OPN4: variants seen among roughly 807,000 people sequenced by gnomAD.
The protein encoded by OPN4 is opsin 4.
Under a neutral mutation model 49.5 loss-of-function variants are expected in OPN4, and 43 were observed. The observed-to-expected ratio is 0.87, with a 90% confidence interval of 0.68 to 1.12. The LOEUF (loss-of-function observed/expected upper bound fraction) is 1.12. OPN4 is among the 50% of genes most tolerant of loss of function. OPN4 has a pLI of 0.00. For missense variants in OPN4, 657 were observed against 643.9 expected, an observed-to-expected ratio of 1.02 and a Z score of -0.22; for synonymous variants, 263 against 258.0, an observed-to-expected ratio of 1.02 and a Z score of -0.19.
rs2675697 is a variant in OPN4, at chr10:86,663,851, G to T, written c.1398+49G>T. The T allele has an allele frequency of 7.2e-3, 11,137 of 1,541,544 alleles. 90 individuals are homozygous for T. The highest frequency in any genetic ancestry group is 0.03 in the South Asian group (2,482 of 82,704). Reference sequence around the variant, plus strand: ...ATCCACAAAGGGGTGGGGGTTAGGGGCCAGTAGCCCAGGGAGAGGCCAGGA... The same window carrying T: ...ATCCACAAAGGGGTGGGGGTTAGGGTCCAGTAGCCCAGGGAGAGGCCAGGA... On this transcript the variant is annotated intron_variant, in intron 9 of 9. Coordinates refer to ENST00000241891, the MANE Select transcript of OPN4 (RefSeq NM_033282.4).
At chr10:86,664,302 T>C (rs956528752) in intron 9 of OPN4, among the ~76,000 whole-genome samples, 5 of 152,210 alleles carry the variant, frequency 3.3e-5, no homozygotes, top group Non-Finnish European at 7.4e-5. Context: ...TGTACCTCTC[T>C]GTGTGACTGC....
At chr10:86,658,795 G>C in intron 4 of OPN4, 108 bp downstream of exon 4, 1 of 1,127,500 alleles carries the variant, frequency 8.9e-7, no homozygotes, top group South Asian at 1.4e-5. Context: ...AGGGTGCCCA[G>C]GAGCTACCTG....
chr10:86,661,447 G>T (rs2132306286), intron 7 of OPN4, 59 bp downstream of exon 7: 1 of 1,268,128 alleles, frequency 7.9e-7, no homozygotes, highest in Non-Finnish European at 1.1e-6. Flanking sequence ...CTGCCGATGG[G>T]GGCAGAGGCC....
chr10:86,657,376 C>T (rs1843895405), intron 2 of OPN4: 2 of 642,878 alleles, frequency 3.1e-6, no homozygotes, highest in South Asian at 3.6e-5. Context: ...TGGATGATGA[C>T]AGGAGCCGAG....
intron 2 of OPN4, 139 bp downstream of exon 2, chr10:86,656,439 T>G (rs891649315): frequency 3.6e-6 from 4 of 1,113,862 alleles, no homozygotes; most frequent in Non-Finnish European, 5.1e-6. Context: ...GGGCCATGCC[T>G]TCGATGATCT....
chr10:86,660,640 G>A (rs566424296), intron 6 of OPN4, among the ~76,000 whole-genome samples: 2 of 152,188 alleles, frequency 1.3e-5, no homozygotes, highest in Non-Finnish European at 2.9e-5. Context: ...CATCACGGTT[G>A]GGGTGGGGTG....
intron 6 of OPN4, 39 bp from the exon 7 acceptor site, chr10:86,661,241 AG>A (rs1298386863): frequency 6.6e-7 from 1 of 1,521,898 alleles, no homozygotes; most frequent in Non-Finnish European, 9.1e-7. Flanking sequence ...GTGTGTCAGG[AG>A]GGCCAGCTAG....
chr10:86,660,159 A>T (rs1007651145), intron 6 of OPN4, 100 bp downstream of exon 6: 7 of 1,321,270 alleles, frequency 5.3e-6, no homozygotes, highest in Non-Finnish European at 7.5e-6. Flanking sequence ...CCGGCCAGCC[A>T]TCCTCGCACC....
chr10:86,658,545 G>A lies in OPN4; in HGVS notation c.486G>A (p.Thr162=), dbSNP rs778005928. The A allele has an allele frequency of 1.6e-5, 26 of 1,614,068 alleles. No homozygotes were observed. The highest frequency in any genetic ancestry group is 6.7e-5 in the East Asian group (3 of 44,896). The change falls in exon 4 of 10, where the codon ACG becomes ACA. Residue 162 remains threonine (T), a synonymous_variant. Coordinates refer to ENST00000241891, the MANE Select transcript of OPN4 (RefSeq NM_033282.4). Reference sequence around the variant, plus strand: ...GCATTTCCTCCATGATCACCCTGACGGCCATCGCCCTGGACCGCTACCTGG... The same window carrying A: ...GCATTTCCTCCATGATCACCCTGACAGCCATCGCCCTGGACCGCTACCTGG... ...LFGISSMITL[T]AIALDRYLVI...
chr10:86,666,096 C>T lies in OPN4; in HGVS notation c.*345C>T, dbSNP rs553086946. ...TGACAATGGTGATGGCTCCAGAGAACACACCAGCTATTTATGAGCCTCTGC... is the reference window on the plus strand; with the variant it reads ...TGACAATGGTGATGGCTCCAGAGAATACACCAGCTATTTATGAGCCTCTGC... On this transcript the variant is annotated 3_prime_UTR_variant, in exon 10 of 10. Coordinates refer to ENST00000241891, the MANE Select transcript of OPN4 (RefSeq NM_033282.4). 6.4e-5 allele frequency: 20 copies of T among 314,422 alleles called. No individual in the cohort carries two copies. The East Asian group carries it at 1.3e-3, about 21-fold the overall frequency. 19.5% of individuals were successfully genotyped at this position (314,422 alleles called of 1,614,324 possible).
At chr10:86,663,059 G>T (rs931819561) in intron 8 of OPN4, among the ~76,000 whole-genome samples, 2 of 152,216 alleles carry the variant, frequency 1.3e-5, no homozygotes, top group Non-Finnish European at 2.9e-5. Context: ...TCGGGGCCAG[G>T]TGTGCCCAGG....
Position 86,662,331 on chromosome 10 carries a change from TACCGCTCCACCC to T in OPN4, c.1164_1175del (p.His389_Thr392del). 1.2e-6 allele frequency: 2 copies of T among 1,603,326 alleles called. No homozygotes were observed. Among genetic ancestry groups the T allele is most frequent in the Non-Finnish European group, 1.7e-6 (2 of 1,176,362 alleles). On this transcript the variant is annotated inframe_deletion, in exon 8 of 10. Coordinates refer to ENST00000241891, the MANE Select transcript of OPN4 (RefSeq NM_033282.4). ...CCGGCACAGTCGCCCCTACCCCAGC[TACCGCTCCACCC>T]ACCGCTCCACGCTGACCAGCCACAC...
At chr10:86,657,365 A>G in intron 2 of OPN4, 2 of 663,666 alleles carry the variant, frequency 3.0e-6, no homozygotes, top group East Asian at 5.2e-5. Context: ...AGATGCAAAG[A>G]TGGATGATGA....
rs767852670 is a variant in OPN4, at chr10:86,658,475, T to C, written c.425-9T>C. On this transcript the variant is annotated splice_polypyrimidine_tract_variant and intron_variant, in intron 3 of 9. Coordinates refer to ENST00000241891, the MANE Select transcript of OPN4 (RefSeq NM_033282.4). ...TCCCCAGGACTCAGAGCAGGGGCTG[T>C]GCCCACAGGCTGCGAGTTCTATGCC... 4.3e-6 allele frequency: 7 copies of C among 1,613,922 alleles called. No homozygotes were observed. Among genetic ancestry groups the C allele is most frequent in the Non-Finnish European group, 5.9e-6 (7 of 1,179,878 alleles).
chr10:86,665,699 CTGTT>C lies in OPN4; in HGVS notation c.1399-7_1399-4del, dbSNP rs761016344. Reference sequence around the variant, plus strand: ...TGCTCCTCAGCTAAACAGATGTGTGCTGTTTGTTTGCAGACCAAGGGGCTGATCC... The same window carrying C: ...TGCTCCTCAGCTAAACAGATGTGTGCTGTTTGCAGACCAAGGGGCTGATCC... On this transcript the variant is annotated splice_polypyrimidine_tract_variant and intron_variant, in intron 9 of 9. Transcript: ENST00000241891. 1.2e-6 allele frequency: 2 copies of C among 1,612,458 alleles called. No homozygotes were observed. The highest frequency in any genetic ancestry group is 2.2e-5 in the South Asian group (2 of 91,044).
chr10:86,659,588 A>C (rs1843954795), intron 5 of OPN4, 120 bp downstream of exon 5: 2 of 1,355,648 alleles, frequency 1.5e-6, no homozygotes, highest in Non-Finnish European at 2.0e-6. Context: ...GGTGAAGGCA[A>C]GCTGAGCAAG....
rs767208026 is a variant in OPN4, at chr10:86,661,336, G to C, written c.1021G>C (p.Ala341Pro). The C allele has an allele frequency of 5.0e-6, 8 of 1,613,922 alleles. No individual in the cohort carries two copies. In the African/African-American group the frequency reaches 6.7e-5, roughly 13 times the overall value. ...MSSVPAVIAKASAIHNPIIYA... is the reference protein window; with the variant it reads ...MSSVPAVIAKPSAIHNPIIYA... ...CTCGGTGCCAGCCGTCATCGCCAAG[G>C]CCTCTGCAATCCACAACCCCATCAT... The change falls in exon 7 of 10, where the codon GCC becomes CCC. Residue 341 changes from alanine to proline, a missense_variant. Ala to Pro is a conservative substitution (Grantham distance 27, BLOSUM62 -1). Coordinates refer to ENST00000241891, the MANE Select transcript of OPN4 (RefSeq NM_033282.4).
Position 86,659,277 on chromosome 10 carries a change from G to C in OPN4, c.629-20G>C. The stretch of plus-strand genomic sequence containing the variant: ...TGGTCAGTGCCGCCCCAAAGGCTGA[G>C]CACCTGCCCTGGCTCCCAGGCGCCT... On this transcript the variant is annotated intron_variant, in intron 4 of 9. Transcript: ENST00000241891. The C allele has an allele frequency of 6.2e-7, 1 of 1,602,992 alleles. No homozygotes were observed. The highest frequency in any genetic ancestry group is 8.5e-7 in the Non-Finnish European group (1 of 1,176,092).
intron 1 of OPN4, among the ~76,000 whole-genome samples, chr10:86,655,787 C>T (rs573079335): frequency 3.3e-5 from 5 of 152,316 alleles, no homozygotes; most frequent in Admixed American, 3.3e-4. Flanking sequence ...GGCTGGAGTC[C>T]ATACTGCAGG....
Sources: allele counts gnomAD v4.1 joint callset (sites outside exome capture counted in the v4.1 genomes callset), GRCh38; gene constraint gnomAD v4.1.1; transcripts MANE v1.5; gene names NCBI Gene and HGNC (gene_info 2026-07-23, HGNC 2026-07-21).